The following PCDHGB3 variants were observed in gnomAD, a reference collection of about 807,000 sequenced individuals.
The protein encoded by PCDHGB3 is protocadherin gamma-B3.
In PCDHGB3, 40 loss-of-function variants were observed where a neutral mutation model predicts 59.2. That is an observed-to-expected ratio of 0.68 (90% CI 0.52 to 0.88). The LOEUF (loss-of-function observed/expected upper bound fraction) is 0.88, where lower values mean the gene tolerates loss of function less well. PCDHGB3 is among the 40% of genes least tolerant of loss of function. PCDHGB3 has a pLI of 0.00. For synonymous variants in PCDHGB3, 581 were observed against 503.6 expected, an observed-to-expected ratio of 1.15 and a Z score of -2.06; for missense variants, 1,309 against 1,187.9, an observed-to-expected ratio of 1.10 and a Z score of -1.50.
chr5:141,423,297 C>G lies in PCDHGB3; in HGVS notation c.2415+50488C>G, dbSNP rs1322889810. 3 of 1,614,170 alleles carry G rather than the reference C, an allele frequency of 1.9e-6. 1 individual carries two copies. The South Asian group carries it at 3.3e-5, about 18-fold the overall frequency. The stretch of plus-strand genomic sequence containing the variant: ...TGGCTAACTCTGAAACCTCAGACCT[C>G]TCGCTGTACTTGGTGGTGGCGGTGG... On this transcript the variant is annotated intron_variant, in intron 1 of 3. Transcript: ENST00000576222.
chr5:141,372,404 G>C lies in PCDHGB3; in HGVS notation c.2010G>C (p.Glu670Asp), dbSNP rs761162819. ...TAATCTTCGCAGATAGCTTGCAAGA[G>C]ATACAACCTGACCTTAGCGACCGCC... ...LHLIFADSLQEIQPDLSDRPT... is the reference protein window; with the variant it reads ...LHLIFADSLQDIQPDLSDRPT... Residue 670 changes from glutamate (E) to aspartate (D), a missense_variant, in exon 1 of 4, where the codon GAG (glutamate) becomes GAC (aspartate). Transcript: ENST00000576222. 2.5e-6 allele frequency: 4 copies of C among 1,613,930 alleles called. No individual in the cohort carries two copies. The highest frequency in any genetic ancestry group is 3.3e-5 in the Admixed American group (2 of 60,014).
At chr5:141,455,075 G>A (rs1050636999) in intron 1 of PCDHGB3, among the ~76,000 whole-genome samples, 2 of 151,830 alleles carry the variant, frequency 1.3e-5, no homozygotes, top group African/African-American at 4.8e-5. Context: ...GCCTCCCAAA[G>A]TGCTGGGATT....
chr5:141,419,933 C>CTGG (rs1192896428), intron 1 of PCDHGB3: 1 of 1,613,952 alleles, frequency 6.2e-7, no homozygotes, highest in African/African-American at 1.3e-5. Context: ...GCAGTTTTAC[C>CTGG]TGGTGGTGGC....
At chr5:141,416,846 A>G (rs1412860680) in intron 1 of PCDHGB3, 2 of 152,120 alleles carry the variant, frequency 1.3e-5, no homozygotes, top group Non-Finnish European at 2.9e-5. Flanking sequence ...TTATAATTCC[A>G]TGATTTTTTT....
At chr5:141,475,955 C>G (rs1562050812) in intron 1 of PCDHGB3, 8 of 800,218 alleles carry the variant, frequency 1.0e-5, no homozygotes, top group South Asian at 1.9e-5. Flanking sequence ...TTCTGCGCCC[C>G]GGGATGAGGC....
chr5:141,433,623 G>A (rs2097635547), intron 1 of PCDHGB3, among the ~76,000 whole-genome samples: 1 of 152,070 alleles, frequency 6.6e-6, no homozygotes, highest in African/African-American at 2.4e-5. Flanking sequence ...ATCACCTGAG[G>A]TTGGGAGTTT....
At chr5:141,403,342 C>T (rs766669117) in intron 1 of PCDHGB3, 4 of 1,613,976 alleles carry the variant, frequency 2.5e-6, no homozygotes, top group African/African-American at 1.3e-5. Context: ...ACGACAGCGC[C>T]CCAAAGTTCC....
chr5:141,401,689 A>G (rs2094183367), intron 1 of PCDHGB3, among the ~76,000 whole-genome samples: 1 of 152,222 alleles, frequency 6.6e-6, no homozygotes, highest in Non-Finnish European at 1.5e-5. Context: ...ATGGAAGGTG[A>G]ATACAGGATT....
Position 141,476,209 on chromosome 5 carries a change from G to T in PCDHGB3, c.2416-18598G>T, listed in dbSNP as rs749576231. On this transcript the variant is annotated intron_variant, in intron 1 of 3. Coordinates refer to ENST00000576222, the MANE Select transcript of PCDHGB3 (RefSeq NM_018924.5). The surrounding 1 kb of genome is among the most constrained non-coding windows in gnomAD (Gnocchi z 7.6). ...TTGGTGCCTTGAACAAGGCTTCCAC[G>T]GTCATTCACTATGAGATCCCGGAGG... The T allele has an allele frequency of 6.2e-6, 10 of 1,613,974 alleles. No individual in the cohort carries two copies. Among genetic ancestry groups the T allele is most frequent in the Non-Finnish European group, 8.5e-6 (10 of 1,180,026 alleles).
intron 1 of PCDHGB3, chr5:141,374,849 C>T: frequency 6.2e-7 from 1 of 1,613,754 alleles, no homozygotes; most frequent in Non-Finnish European, 8.5e-7. Context: ...TGAAAACCTG[C>T]CAGTAGGCAC....
chr5:141,472,505 A>G (rs1041224118), intron 1 of PCDHGB3, among the ~76,000 whole-genome samples: 4 of 152,004 alleles, frequency 2.6e-5, no homozygotes, highest in African/African-American at 7.3e-5. Context: ...GTGCCACTGC[A>G]CTCCAGCCTG....
At chr5:141,482,530 CAAAAAAAAA>C (rs3074545) in intron 1 of PCDHGB3, among the ~76,000 whole-genome samples, 16 of 76,560 alleles carry the variant, frequency 2.1e-4, no homozygotes, top group African/African-American at 7.7e-4. Context: ...GACAGACATG[CAAAAAAAAA>C]AAAAAAAAAA....
At chr5:141,392,273 GC>G (rs1371015127) in intron 1 of PCDHGB3, 1 of 152,178 alleles carries the variant, frequency 6.6e-6, no homozygotes, top group Non-Finnish European at 1.5e-5. Flanking sequence ...TTACAATAAA[GC>G]TTAGAGCACA....
rs2095194600 is a variant in PCDHGB3 at position 141,408,919 on chromosome 5, C to T, written c.2415+36110C>T. On this transcript the variant is annotated intron_variant, in intron 1 of 3. Transcript: ENST00000576222. The stretch of plus-strand genomic sequence containing the variant: ...CTGTCAAGGATACCAATGATAACCC[C>T]CCGGTTTTCAGCAGAGACGAATATA... 2.5e-6 allele frequency: 4 copies of T among 1,613,346 alleles called. No individual in the cohort carries two copies. The African/African-American group carries it at 4.0e-5, about 16-fold the overall frequency.
intron 1 of PCDHGB3, among the ~76,000 whole-genome samples, chr5:141,429,712 C>T (rs998121271): frequency 1.3e-5 from 2 of 151,994 alleles, no homozygotes; most frequent in African/African-American, 2.4e-5. Flanking sequence ...TAAATATTTA[C>T]GCTCATGAAA....
chr5:141,488,428 C>A (rs1234461104), intron 1 of PCDHGB3, among the ~76,000 whole-genome samples: 1 of 152,186 alleles, frequency 6.6e-6, no homozygotes, highest in Non-Finnish European at 1.5e-5. Context: ...CATGCTTGGC[C>A]TCTGACCACC....
chr5:141,422,807 G>C (rs199507728), intron 1 of PCDHGB3: 7 of 1,614,198 alleles, frequency 4.3e-6, no homozygotes, highest in Non-Finnish European at 5.9e-6. Context: ...GAGCAGTTTC[G>C]AGACTTAGAA....
chr5:141,458,609 A>T (rs1037852455), intron 1 of PCDHGB3, among the ~76,000 whole-genome samples: 1 of 152,004 alleles, frequency 6.6e-6, no homozygotes, highest in Non-Finnish European at 1.5e-5. Flanking sequence ...TCACTCTGTC[A>T]GCCAGGCTGG....
rs1305609320 is a variant in PCDHGB3, at chr5:141,370,833, C to T, written c.439C>T (p.Leu147Phe). 4 of 1,613,946 alleles carry T rather than the reference C, an allele frequency of 2.5e-6. No individual in the cohort carries two copies. The highest frequency in any genetic ancestry group is 8.5e-7 in the Non-Finnish European group (1 of 1,179,920). Residue 147 changes from leucine (L) to phenylalanine (F), a missense_variant, in exon 1 of 4, where the codon CTC (leucine) becomes TTC (phenylalanine). Transcript: ENST00000576222. Reference protein sequence around the residue: ...ITELEISELALTGATFALESA... With the variant: ...ITELEISELAFTGATFALESA... ...TGAGCTGGAAATCAGCGAACTGGCTCTCACTGGAGCCACATTTGCCCTGGA... is the reference window on the plus strand; with the variant it reads ...TGAGCTGGAAATCAGCGAACTGGCTTTCACTGGAGCCACATTTGCCCTGGA...
Sources: gnomAD v4.1 joint callset for allele counts (sites outside exome capture counted in the v4.1 genomes callset) on GRCh38, gnomAD v4.1.1 for gene constraint, Gnocchi (gnomAD v3.1) non-coding constraint, MANE v1.5 for transcripts, NCBI Gene and HGNC (gene_info 2026-07-23, HGNC 2026-07-21) for gene names.